Variants in SEM1 observed in about 807,000 individuals in gnomAD.
SEM1 encodes the protein 26S proteasome complex subunit SEM1.
In SEM1, 3 loss-of-function variants were observed where a neutral mutation model predicts 12.7. That is an observed-to-expected ratio of 0.24 (90% confidence interval 0.11 to 0.61). The LOEUF is 0.61. SEM1 is among the 20% of genes least tolerant of loss of function. SEM1 has a pLI of 0.88. For missense variants in SEM1, 59 were observed against 81.3 expected, an observed-to-expected ratio of 0.73 and a Z score of 1.06; for synonymous variants, 30 against 27.8, an observed-to-expected ratio of 1.08 and a Z score of -0.25.
At chr7:96,599,630 C>G (rs548544027) in intron 2 of SEM1, among the ~76,000 whole-genome samples, 17 of 152,280 alleles carry the variant, frequency 1.1e-4, no homozygotes, top group Admixed American at 1.1e-3. Flanking sequence ...CTCAAGCCCT[C>G]TTTTAAAAAT....
intron 2 of SEM1, among the ~76,000 whole-genome samples, chr7:96,677,839 A>G (rs958599103): frequency 6.6e-6 from 1 of 152,156 alleles, no homozygotes; most frequent in African/African-American, 2.4e-5. Flanking sequence ...TAGCAACCTA[A>G]ATGACAATGT....
chr7:96,682,067 G>C (rs1465866882), intron 2 of SEM1, among the ~76,000 whole-genome samples: 1 of 152,066 alleles, frequency 6.6e-6, no homozygotes, highest in East Asian at 1.9e-4. Context: ...TCCTTGAGCA[G>C]TGGTTTGTAG....
chr7:96,694,120 T>C (rs80349780), intron 2 of SEM1, among the ~76,000 whole-genome samples: 2,696 of 151,996 alleles, frequency 0.018, 72 homozygotes, highest in African/African-American at 0.061. Flanking sequence ...ATGATTTCAT[T>C]TATATGAAGC....
chr7:96,705,093 G>T (rs557549574), intron 1 of SEM1, among the ~76,000 whole-genome samples: 1 of 152,238 alleles, frequency 6.6e-6, no homozygotes, highest in Admixed American at 6.5e-5. Context: ...ATTCCAGAAT[G>T]CTGGCAGCAT....
chr7:96,525,890 C>G (rs369270783), intron 2 of SEM1, among the ~76,000 whole-genome samples: 1 of 152,082 alleles, frequency 6.6e-6, no homozygotes, highest in African/African-American at 2.4e-5. Flanking sequence ...AGTTTCATCC[C>G]GAAACCATCC....
chr7:96,634,774 G>T (rs1808378226), intron 2 of SEM1, among the ~76,000 whole-genome samples: 1 of 151,986 alleles, frequency 6.6e-6, no homozygotes, highest in Non-Finnish European at 1.5e-5. Flanking sequence ...TCAAGAAACG[G>T]AAAGAAGTAT....
chr7:96,508,272 A>G (rs972823049), intron 2 of SEM1, among the ~76,000 whole-genome samples: 6 of 152,134 alleles, frequency 3.9e-5, no homozygotes, highest in Admixed American at 6.6e-5. Context: ...AAATGTATTT[A>G]TGTATTGCTC....
At chr7:96,501,416 C>T (rs756706851) in intron 3 of SEM1, among the ~76,000 whole-genome samples, 1 of 151,944 alleles carries the variant, frequency 6.6e-6, no homozygotes, top group African/African-American at 2.4e-5. Flanking sequence ...TTTAGGGCAT[C>T]TTAGTAGTAT....
At chr7:96,562,107 C>T (rs1048222556) in intron 2 of SEM1, among the ~76,000 whole-genome samples, 2 of 152,104 alleles carry the variant, frequency 1.3e-5, no homozygotes, top group Non-Finnish European at 2.9e-5. Context: ...ACATGTAATT[C>T]ATTTTGTCGA....
chr7:96,704,861 G>A (rs1041508589), intron 1 of SEM1, among the ~76,000 whole-genome samples: 1 of 152,134 alleles, frequency 6.6e-6, no homozygotes, highest in African/African-American at 2.4e-5. Context: ...AGTCCTGTTG[G>A]TATATGCTGT....
chr7:96,659,434 A>G (rs1788909905), intron 2 of SEM1, among the ~76,000 whole-genome samples: 1 of 152,200 alleles, frequency 6.6e-6, no homozygotes, highest in Admixed American at 6.5e-5. Flanking sequence ...TTTGGCAAAC[A>G]AAAGTTGAGA....
intron 2 of SEM1, among the ~76,000 whole-genome samples, chr7:96,573,608 C>A (rs980957023): frequency 6.6e-6 from 1 of 152,072 alleles, no homozygotes. Context: ...CTCTCTTCTA[C>A]CTTTTAGGGT....
At chr7:96,546,050 C>G (rs1012063364) in intron 2 of SEM1, among the ~76,000 whole-genome samples, 1 of 152,090 alleles carries the variant, frequency 6.6e-6, no homozygotes, top group East Asian at 1.9e-4. Flanking sequence ...GCTCTGCAGG[C>G]TTCTCTGTTT....
At chr7:96,550,286 C>A (rs1805228477) in intron 2 of SEM1, among the ~76,000 whole-genome samples, 1 of 151,964 alleles carries the variant, frequency 6.6e-6, no homozygotes, top group Non-Finnish European at 1.5e-5. Context: ...AAAGCTATTC[C>A]CCAGACTCAT....
At chr7:96,524,472 C>T (rs1584736091) in intron 2 of SEM1, among the ~76,000 whole-genome samples, 1 of 151,904 alleles carries the variant, frequency 6.6e-6, no homozygotes, top group African/African-American at 2.4e-5. Flanking sequence ...TAAATAGCAA[C>T]GTATAGCTAA....
intron 2 of SEM1, among the ~76,000 whole-genome samples, chr7:96,641,507 C>T (rs1808608876): frequency 6.6e-6 from 1 of 151,948 alleles, no homozygotes; most frequent in African/African-American, 2.4e-5. Flanking sequence ...CAAGAATATA[C>T]CCTTCTTTAC....
intron 2 of SEM1, among the ~76,000 whole-genome samples, chr7:96,552,705 C>A (rs1271856010): frequency 6.6e-6 from 1 of 151,598 alleles, no homozygotes; most frequent in Non-Finnish European, 1.5e-5. Flanking sequence ...GGTATATACC[C>A]AGTAATGGGA....
intron 1 of SEM1, 63 bp from the exon 2 acceptor site, chr7:96,694,954 C>G (rs1232232936): frequency 2.5e-6 from 3 of 1,219,596 alleles, no homozygotes; most frequent in Middle Eastern, 1.9e-4. Context: ...ATTACAAAAA[C>G]TTTGAAAAGC....
intron 2 of SEM1, among the ~76,000 whole-genome samples, chr7:96,541,351 C>T (rs140518722): frequency 1.3e-5 from 2 of 150,266 alleles, no homozygotes; most frequent in African/African-American, 4.9e-5. Flanking sequence ...TGATGCTGAA[C>T]GTTTTTTATA....
Sources: allele counts gnomAD v4.1 joint callset (sites outside exome capture counted in the v4.1 genomes callset), GRCh38; gene constraint gnomAD v4.1.1; transcripts MANE v1.5; gene names NCBI Gene and HGNC (gene_info 2026-07-23, HGNC 2026-07-21).